Variants in SPTBN4 observed in about 807,000 individuals in gnomAD.
SPTBN4 encodes the protein spectrin beta, non-erythrocytic 4.
Under a neutral mutation model 277.8 loss-of-function variants are expected in SPTBN4, and 96 were observed. The ratio of observed to expected loss-of-function variants is 0.35; its 90% CI spans 0.29 to 0.41. The LOEUF is 0.41. SPTBN4 is among the 10% of genes least tolerant of loss of function. The probability of loss-of-function intolerance (pLI) is 1.00; values close to 1 mark genes in which losing one functional copy is unlikely to be tolerated. For missense variants in SPTBN4, 3,006 were observed against 3,595.7 expected, an observed-to-expected ratio of 0.84 and a Z score of 4.19; for synonymous variants, 1,481 against 1,580.3, an observed-to-expected ratio of 0.94 and a Z score of 1.49.
chr19:40,507,789 CG>C (rs1434278275), intron 13 of SPTBN4, among the ~76,000 whole-genome samples: 1 of 152,082 alleles, frequency 6.6e-6, no homozygotes, highest in Non-Finnish European at 1.5e-5. Context: ...GAGCCGAGAT[CG>C]CACCACTGCA....
At chr19:40,503,109 G>A (rs1173912985) in intron 11 of SPTBN4, among the ~76,000 whole-genome samples, 176 bp downstream of exon 11, 2 of 152,120 alleles carry the variant, frequency 1.3e-5, no homozygotes, top group African/African-American at 2.4e-5. Flanking sequence ...GTTGGGTGAG[G>A]GGAATGGGCC....
At chr19:40,530,337 C>T (rs1045748182) in intron 18 of SPTBN4, among the ~76,000 whole-genome samples, 1 of 151,918 alleles carries the variant, frequency 6.6e-6, no homozygotes, top group African/African-American at 2.4e-5. Flanking sequence ...GGCGCAGAAG[C>T]CCCCCACCCG....
intron 20 of SPTBN4, 48 bp from the exon 21 acceptor site, chr19:40,549,141 G>T: frequency 1.4e-6 from 2 of 1,470,686 alleles, no homozygotes; most frequent in Non-Finnish European, 1.8e-6. Context: ...GCCACAGCAG[G>T]ATCAGGAGGG....
At position 40,560,438 on chromosome 19, in the gene SPTBN4, C is replaced by T. The variant is rs2081030760; in HGVS notation, c.5915+35C>T. 2 of 1,613,066 alleles carry T rather than the reference C, an allele frequency of 1.2e-6. No individual in the cohort carries two copies. Among genetic ancestry groups the T allele is most frequent in the African/African-American group, 2.7e-5 (2 of 74,926 alleles). On this transcript the variant is annotated intron_variant, in intron 27 of 35. Transcript: ENST00000598249. This position sits in a 1 kb window ranked among gnomAD's most constrained non-coding sequence, Gnocchi z 5.2. Reference sequence around the variant, plus strand: ...ATCCCTCCTCGGGCTTCCTGCCTCCCCCTGGTGGCCTACCCCAGCCACCCC... The same window carrying T: ...ATCCCTCCTCGGGCTTCCTGCCTCCTCCTGGTGGCCTACCCCAGCCACCCC...
chr19:40,534,783 C>G (rs2080716619), intron 20 of SPTBN4: 1 of 169,514 alleles, frequency 5.9e-6, no homozygotes, highest in Non-Finnish European at 1.3e-5. Context: ...CTGTTATTAT[C>G]CTGTTTTACC....
intron 6 of SPTBN4, among the ~76,000 whole-genome samples, chr19:40,496,798 C>T (rs917035799): frequency 1.3e-5 from 2 of 152,026 alleles, no homozygotes; most frequent in Non-Finnish European, 2.9e-5. Flanking sequence ...CCTGGCCAGA[C>T]GCAGTGGCTC....
At chr19:40,551,267 G>A (rs922997976) in intron 22 of SPTBN4, among the ~76,000 whole-genome samples, 1 of 152,102 alleles carries the variant, frequency 6.6e-6, no homozygotes, top group Non-Finnish European at 1.5e-5. Context: ...GTGTACCCCT[G>A]TAGTCCCAGC....
At chr19:40,555,074 A>G in intron 24 of SPTBN4, 1 of 177,184 alleles carries the variant, frequency 5.6e-6, no homozygotes, top group Non-Finnish European at 1.2e-5. Context: ...GCTGAGCTCC[A>G]GGCCTGGACC....
Position 40,546,218 on chromosome 19 carries a change from T to G in SPTBN4, c.4360-2971T>G, listed in dbSNP as rs868494850. The stretch of plus-strand genomic sequence containing the variant: ...CCAGCCTGGGCAAAAAGAGCGAAAC[T>G]CCATCTCAAAAAAAAAAAAAAAAGA... On this transcript the variant is annotated intron_variant, in intron 20 of 35. Transcript: ENST00000598249. Among the ~76,000 whole-genome samples the G allele has an allele frequency of 5.0e-4, 49 of 98,210 alleles. No individual in the cohort carries two copies. The Middle Eastern group carries it at 0.037, about 75-fold the overall frequency. The allele number at this position is 98,210 out of a possible 152,430, so 64.4% of individuals were successfully genotyped here.
Position 40,487,924 on chromosome 19 carries a change from C to T in SPTBN4, c.321+76C>T, listed in dbSNP as rs994787856. On this transcript the variant is annotated intron_variant, in intron 3 of 35. Coordinates refer to ENST00000598249, the MANE Select transcript of SPTBN4 (RefSeq NM_020971.3). The stretch of plus-strand genomic sequence containing the variant: ...TGGGGGTTGGGCTTCTCTGGAAGGG[C>T]TGAACTGCAAGCAGGGGCCTGGCTC... The T allele has an allele frequency of 2.7e-5, 39 of 1,459,714 alleles. No homozygotes were observed. In the Admixed American group the frequency reaches 8.9e-4, roughly 33 times the overall value. The allele number at this position is 1,459,714 out of a possible 1,614,324, so 90.4% of individuals were successfully genotyped here.
chr19:40,491,694 A>G (rs1426354451), intron 4 of SPTBN4, among the ~76,000 whole-genome samples: 2 of 138,812 alleles, frequency 1.4e-5, no homozygotes, highest in African/African-American at 2.9e-5. Context: ...AGCCTGGGTA[A>G]TAGATAGAGA....
intron 22 of SPTBN4, among the ~76,000 whole-genome samples, chr19:40,550,698 CG>C (rs141759388): frequency 2.1e-5 from 3 of 145,880 alleles, no homozygotes; most frequent in Admixed American, 7.0e-5. Context: ...AGATGGACGG[CG>C]GGGGGTGGGG....
rs773265773 is a variant in SPTBN4 at position 40,487,743 on chromosome 19, C to T, written c.216C>T (p.Asn72=). Residue 72 remains asparagine (N), a synonymous_variant, in exon 3 of 36, where the codon AAC becomes AAT. Coordinates refer to ENST00000598249, the MANE Select transcript of SPTBN4 (RefSeq NM_020971.3). ...AGAAAACCTTCACCAAGTGGGTGAA[C>T]TCGCACCTCGCCCGCGTGGGCTGCC... ...VQKKTFTKWV[N]SHLARVGCHI... is the part of the protein sequence containing the mutation. 4 of 1,613,606 alleles carry T rather than the reference C, an allele frequency of 2.5e-6. No homozygotes were observed. The highest frequency in any genetic ancestry group is 3.4e-6 in the Non-Finnish European group (4 of 1,179,890).
At chr19:40,548,352 A>T (rs1165864) in intron 20 of SPTBN4, among the ~76,000 whole-genome samples, 55 of 152,070 alleles carry the variant, frequency 3.6e-4, no homozygotes, top group Non-Finnish European at 6.5e-4. Flanking sequence ...TTAGCAAGGC[A>T]TGGTGTCAGG....
chr19:40,496,802 G>T (rs1213954466), intron 6 of SPTBN4, among the ~76,000 whole-genome samples: 1 of 151,962 alleles, frequency 6.6e-6, no homozygotes, highest in African/African-American at 2.4e-5. Flanking sequence ...GCCAGACGCA[G>T]TGGCTCACAC....
intron 20 of SPTBN4, among the ~76,000 whole-genome samples, chr19:40,539,631 C>T (rs1207883765): frequency 1.3e-5 from 2 of 152,076 alleles, no homozygotes; most frequent in Non-Finnish European, 1.5e-5. Flanking sequence ...AGGCACCTGC[C>T]ACCACGCCTG....
intron 2 of SPTBN4, among the ~76,000 whole-genome samples, chr19:40,474,838 G>A (rs1243086561): frequency 6.6e-6 from 1 of 152,052 alleles, no homozygotes; most frequent in African/African-American, 2.4e-5. Flanking sequence ...GTTTCAGTGA[G>A]CTGAGATCAC....
Position 40,556,097 on chromosome 19 carries a change from C to A in SPTBN4, c.5098C>A (p.Arg1700=). Residue 1700 remains arginine, a synonymous_variant, in exon 25 of 36, where the codon CGG becomes AGG. Coordinates refer to ENST00000598249, the MANE Select transcript of SPTBN4 (RefSeq NM_020971.3). ...GTCCCCCTTCAGCGAGCAGATCAGC[C>A]GGCGGCAGTCTCAGGTGGACCGCCT... The part of the protein sequence containing the change: ...MGHPDSEQIS[R]RQSQVDRLYV... 1 of 1,611,186 alleles carries A rather than the reference C, an allele frequency of 6.2e-7. No individual in the cohort carries two copies. Among genetic ancestry groups the A allele is most frequent in the South Asian group, 1.1e-5 (1 of 90,902 alleles).
At chr19:40,501,420 GCA>G (rs2080261929) in intron 7 of SPTBN4, among the ~76,000 whole-genome samples, 2 of 152,080 alleles carry the variant, frequency 1.3e-5, no homozygotes, top group Non-Finnish European at 2.9e-5. Flanking sequence ...TGTAATCCCA[GCA>G]CTTTGGGAGG....
Sources: allele counts gnomAD v4.1 joint callset (sites outside exome capture counted in the v4.1 genomes callset), GRCh38; gene constraint gnomAD v4.1.1; non-coding constraint Gnocchi (gnomAD v3.1); transcripts MANE v1.5; gene names NCBI Gene and HGNC (gene_info 2026-07-23, HGNC 2026-07-21).